The following CFAP47 variants were observed in gnomAD, a reference collection of about 807,000 sequenced individuals.
The protein encoded by CFAP47 is cilia and flagella associated protein 47.
CFAP47 carries 29 observed loss-of-function variants against 148.1 expected under a neutral mutation model. That is an observed-to-expected ratio of 0.20 (90% confidence interval 0.15 to 0.27). The LOEUF (loss-of-function observed/expected upper bound fraction) is 0.27, where lower values mean the gene tolerates loss of function less well. CFAP47 is among the 10% of genes least tolerant of loss of function. The pLI is 1.00. For missense variants in CFAP47, 1,872 were observed against 1,697.5 expected (o/e 1.10, Z -1.81); for synonymous variants, 664 against 577.3 (o/e 1.15, Z -2.15).
intron 29 of CFAP47, among the ~76,000 whole-genome samples, chrX:36,077,634 A>C (rs1269387732): frequency 9.0e-6 from 1 of 111,205 alleles, no homozygotes. Context: ...TTGAAACTTT[A>C]CTGAAGTCAT....
At chrX:36,237,502 A>G (rs1209457405) in intron 48 of CFAP47, among the ~76,000 whole-genome samples, 1 of 110,507 alleles carries the variant, frequency 9.0e-6, no homozygotes, top group Non-Finnish European at 1.9e-5. Flanking sequence ...GCTACTTTCT[A>G]TATTTTTTGT....
In CFAP47 at chrX:35,919,917, C is replaced by T; in HGVS notation, c.118C>T (p.Leu40=). Reference sequence around the variant, plus strand: ...GGATAGCTCGGGTAGAGACATGCAGCTGCGGGTGATCCCGGCTGAGGTGAA... The same window carrying T: ...GGATAGCTCGGGTAGAGACATGCAGTTGCGGGTGATCCCGGCTGAGGTGAA... ...DMDSSGRDMQ[L]RVIPAEVKFL... Residue 40 remains leucine, a synonymous_variant, in exon 1 of 64, where the codon CTG becomes TTG. Transcript: ENST00000378653. 8.3e-7 allele frequency: 1 copy of T among 1,211,346 alleles called. No individual in the cohort carries two copies. Among genetic ancestry groups the T allele is most frequent in the Non-Finnish European group, 1.1e-6 (1 of 895,362 alleles).
intron 23 of CFAP47, among the ~76,000 whole-genome samples, chrX:36,031,872 G>A (rs940482393): frequency 1.8e-5 from 2 of 110,453 alleles, no homozygotes; most frequent in African/African-American, 6.5e-5. Flanking sequence ...ATAGAAATTT[G>A]TATTTGCACT....
At chrX:36,291,517 T>C (rs1941192322) in intron 51 of CFAP47, among the ~76,000 whole-genome samples, 1 of 111,101 alleles carries the variant, frequency 9.0e-6, no homozygotes. Context: ...TTTTGGCTAC[T>C]CTGTCATTAT....
intron 45 of CFAP47, among the ~76,000 whole-genome samples, chrX:36,209,008 T>A (rs1449058150): frequency 1.8e-5 from 2 of 111,905 alleles, no homozygotes; most frequent in Non-Finnish European, 3.8e-5. Context: ...CAAAAACTTA[T>A]GAAACATACT....
intron 4 of CFAP47, among the ~76,000 whole-genome samples, chrX:35,950,847 A>C (rs1314098821): frequency 1.8e-5 from 2 of 111,728 alleles, no homozygotes; most frequent in East Asian, 5.6e-4. Flanking sequence ...TATGCCATTG[A>C]GTTTTTTCTG....
intron 62 of CFAP47, among the ~76,000 whole-genome samples, chrX:36,377,369 G>T (rs1556023166): frequency 8.9e-6 from 1 of 112,062 alleles, no homozygotes; most frequent in Non-Finnish European, 1.9e-5. Flanking sequence ...TTTGTCTGAT[G>T]GCCAGTGATG....
At chrX:36,048,296 G>T (rs1042842474) in intron 26 of CFAP47, among the ~76,000 whole-genome samples, 3 of 111,845 alleles carry the variant, frequency 2.7e-5, no homozygotes, top group Non-Finnish European at 5.6e-5. Context: ...CTCTGCCCAA[G>T]ATTTAGGTAA....
At chrX:36,050,988 C>A (rs1007034524) in intron 26 of CFAP47, among the ~76,000 whole-genome samples, 1 of 112,415 alleles carries the variant, frequency 8.9e-6, no homozygotes, top group African/African-American at 3.2e-5. Flanking sequence ...TGGTTTTGAA[C>A]CTGCAGGTGC....
At chrX:36,172,920 A>G (rs1245080274) in intron 39 of CFAP47, among the ~76,000 whole-genome samples, 9 of 110,999 alleles carry the variant, frequency 8.1e-5, no homozygotes, top group Non-Finnish European at 1.5e-4. Context: ...CTGTGAATCC[A>G]TCTGGTCCTG....
At chrX:36,111,416 A>G (rs757708358) in intron 33 of CFAP47, among the ~76,000 whole-genome samples, 4 of 112,256 alleles carry the variant, frequency 3.6e-5, no homozygotes, top group African/African-American at 9.7e-5. Context: ...TTTTATTTGC[A>G]TACATTGAAT....
chrX:35,941,337 G>C lies in CFAP47; in HGVS notation c.456G>C (p.Leu152=), dbSNP rs1403587811. Residue 152 remains leucine, a synonymous_variant, in exon 3 of 64, where the codon CTG becomes CTC. Transcript: ENST00000378653. ...EIESVVNFGT[L]VANSKVYSKE... The stretch of plus-strand genomic sequence containing the variant: ...AATCAGTAGTTAATTTTGGCACACT[G>C]GTTGCCAATAGTAAAGTATATTCTA... The C allele has an allele frequency of 1.7e-6, 2 of 1,179,815 alleles. No individual in the cohort carries two copies. The highest frequency in any genetic ancestry group is 2.3e-6 in the Non-Finnish European group (2 of 879,365).
intron 2 of CFAP47, among the ~76,000 whole-genome samples, chrX:35,927,875 A>T (rs1432400067): frequency 2.7e-5 from 3 of 110,072 alleles, no homozygotes; most frequent in African/African-American, 9.9e-5. Context: ...ATCACACACT[A>T]TGTAGCCTTC....
At chrX:36,255,986 G>C (rs891461309) in intron 49 of CFAP47, among the ~76,000 whole-genome samples, 1 of 111,996 alleles carries the variant, frequency 8.9e-6, no homozygotes, top group Non-Finnish European at 1.9e-5. Flanking sequence ...ATGTTTGCAG[G>C]TGTGAGAGAG....
rs190055976 is a variant in CFAP47, at chrX:35,920,937, T to C, written c.249+889T>C. Reference sequence around the variant, plus strand: ...ATATATGTAGAAAAACCTATGTTAATGATTAGAAGAGCAATGAGAAAAAGG... The same window carrying C: ...ATATATGTAGAAAAACCTATGTTAACGATTAGAAGAGCAATGAGAAAAAGG... On this transcript the variant is annotated intron_variant, in intron 1 of 63. Transcript: ENST00000378653. Among the ~76,000 whole-genome samples, 358 of 112,167 alleles carry C rather than the reference T, an allele frequency of 3.2e-3. 1 individual carries two copies. The highest frequency in any genetic ancestry group is 0.011 in the African/African-American group (345 of 30,971).
chrX:36,117,178 A>T (rs1938655496), intron 33 of CFAP47, among the ~76,000 whole-genome samples: 1 of 112,156 alleles, frequency 8.9e-6, no homozygotes. Flanking sequence ...ATTTGCTTCC[A>T]AATCTTGGCT....
At chrX:36,364,340 A>T (rs1435237766) in intron 61 of CFAP47, among the ~76,000 whole-genome samples, 1 of 110,397 alleles carries the variant, frequency 9.1e-6, no homozygotes, top group South Asian at 3.7e-4. Flanking sequence ...CATCTACAAA[A>T]GAGACAAAAT....
intron 62 of CFAP47, among the ~76,000 whole-genome samples, chrX:36,378,558 A>C (rs1237365826): frequency 8.9e-6 from 1 of 111,826 alleles, no homozygotes; most frequent in African/African-American, 3.3e-5. Context: ...TATTATTTTG[A>C]GATGGAGTTT....
chrX:35,988,824 C>T (rs976937806), intron 15 of CFAP47, among the ~76,000 whole-genome samples: 8 of 111,948 alleles, frequency 7.1e-5, no homozygotes, highest in Admixed American at 3.8e-4. Context: ...ATAGCTAAAT[C>T]AGAAGCTACA....
Sources: allele counts gnomAD v4.1 joint callset (sites outside exome capture counted in the v4.1 genomes callset), GRCh38; gene constraint gnomAD v4.1.1; transcripts MANE v1.5; gene names NCBI Gene and HGNC (gene_info 2026-07-23, HGNC 2026-07-21).